EIF4E3: variants seen among roughly 807,000 people sequenced by gnomAD.
EIF4E3 encodes eukaryotic translation initiation factor 4E type 3.
In EIF4E3, 26 loss-of-function variants were observed where a neutral mutation model predicts 31.7. The ratio of observed to expected loss-of-function variants is 0.82; its 90% CI spans 0.60 to 1.14. EIF4E3 has a LOEUF of 1.14. Among genes scored for constraint, EIF4E3 ranks in the 50% most tolerant of loss-of-function variants. The probability of loss-of-function intolerance (pLI) is 0.00; values close to 1 mark genes in which losing one functional copy is unlikely to be tolerated. For missense variants in EIF4E3, 304 were observed against 270.9 expected, an observed-to-expected ratio of 1.12 and a Z score of -0.86; for synonymous variants, 128 against 107.7, an observed-to-expected ratio of 1.19 and a Z score of -1.17.
upstream of EIF4E3, chr3:71,754,613 G>A (rs1246750339): frequency 1.9e-5 from 27 of 1,453,110 alleles, no homozygotes; most frequent in Non-Finnish European, 2.4e-5. The surrounding 1 kb of genome is among the most constrained non-coding windows in gnomAD (Gnocchi z 5.8). Context: ...GCTTCCTGCT[G>A]CTGCTGGCCG....
intron 6 of EIF4E3, among the ~76,000 whole-genome samples, chr3:71,687,181 T>C (rs577843353): frequency 6.6e-6 from 1 of 152,274 alleles, no homozygotes; most frequent in East Asian, 1.9e-4. Flanking sequence ...TTTATATTTT[T>C]AGTAGAGATG....
intron 1 of EIF4E3, among the ~76,000 whole-genome samples, chr3:71,733,023 G>A (rs773852974): frequency 6.6e-6 from 1 of 152,210 alleles, no homozygotes; most frequent in Non-Finnish European, 1.5e-5. Context: ...GTTCCTGGAG[G>A]GGATAACCCT....
chr3:71,687,488 G>C (rs1263978829), intron 6 of EIF4E3, among the ~76,000 whole-genome samples: 1 of 152,112 alleles, frequency 6.6e-6, no homozygotes, highest in Non-Finnish European at 1.5e-5. Flanking sequence ...AATGTAAAAA[G>C]CATTCTCAGC....
chr3:71,733,804 A>G (rs2049732489), intron 1 of EIF4E3, among the ~76,000 whole-genome samples: 2 of 152,368 alleles, frequency 1.3e-5, no homozygotes, highest in Middle Eastern at 3.4e-3. Context: ...AAAGTTTGAG[A>G]AGCCATTATC....
At chr3:71,741,631 G>A (rs939402166) in intron 1 of EIF4E3, among the ~76,000 whole-genome samples, 8 of 152,098 alleles carry the variant, frequency 5.3e-5, no homozygotes, top group African/African-American at 1.7e-4. Context: ...AATTTAGTAA[G>A]AACATAAAAG....
upstream of EIF4E3, among the ~76,000 whole-genome samples, chr3:71,730,199 G>A (rs1417316917): frequency 6.6e-6 from 1 of 152,124 alleles, no homozygotes; most frequent in Non-Finnish European, 1.5e-5. Context: ...ACGGGTCAGG[G>A]GAGGCTGCGG....
intron 2 of EIF4E3, among the ~76,000 whole-genome samples, chr3:71,705,778 T>C (rs1027955206): frequency 3.3e-5 from 5 of 152,178 alleles, no homozygotes; most frequent in Admixed American, 6.5e-5. Flanking sequence ...ACAGGGCTTG[T>C]TCAAAAGCCG....
chr3:71,696,269 A>G (rs1367202169), intron 4 of EIF4E3, among the ~76,000 whole-genome samples, 191 bp downstream of exon 4: 2 of 152,236 alleles, frequency 1.3e-5, no homozygotes, highest in Non-Finnish European at 2.9e-5. Context: ...TCTATAGAGA[A>G]GCACAATTAT....
chr3:71,679,343 A>T lies in EIF4E3; in HGVS notation c.*5339T>A, dbSNP rs2107993177. The T allele has an allele frequency of 6.6e-6, 1 of 152,360 alleles. No individual in the cohort carries two copies. Among genetic ancestry groups the T allele is most frequent in the Non-Finnish European group, 1.5e-5 (1 of 68,026 alleles). The allele number at this position is 152,360 out of a possible 1,614,324, so 9.4% of individuals were successfully genotyped here. A position where few individuals can be genotyped will look rare whatever the true frequency, so the allele number is the denominator to read the frequency against. Reference sequence around the variant, plus strand: ...ACACTTTAATAGATCCGAAATAAACATCTGTTCCAAAATAAAAGTTCAAGA... The same window carrying T: ...ACACTTTAATAGATCCGAAATAAACTTCTGTTCCAAAATAAAAGTTCAAGA... On this transcript the variant is annotated 3_prime_UTR_variant, in exon 7 of 7. Transcript: ENST00000425534.
At chr3:71,673,932 A>ATATATAT (rs1559581282), downstream of EIF4E3, among the ~76,000 whole-genome samples, 145 of 127,390 alleles carry the variant, frequency 1.1e-3, no homozygotes, top group African/African-American at 4.0e-3. Flanking sequence ...TATATATATA[A>ATATATAT]AAAACATAAT....
upstream of EIF4E3, among the ~76,000 whole-genome samples, chr3:71,728,921 A>C (rs1042944492): frequency 6.6e-6 from 1 of 152,272 alleles, no homozygotes; most frequent in Non-Finnish European, 1.5e-5. Flanking sequence ...ACAGCTATTC[A>C]GACACACAGC....
intron 6 of EIF4E3, among the ~76,000 whole-genome samples, chr3:71,686,319 C>A (rs2048990538): frequency 1.3e-5 from 2 of 152,096 alleles, no homozygotes; most frequent in Admixed American, 1.3e-4. Flanking sequence ...CTAAATTCTT[C>A]AGACTATTGC....
chr3:71,684,800 C>G, intron 6 of EIF4E3, 72 bp from the exon 7 acceptor site: 7 of 1,484,630 alleles, frequency 4.7e-6, no homozygotes, highest in Non-Finnish European at 6.4e-6. Context: ...GCCAACCCTC[C>G]TCTAGGCATC....
intron 1 of EIF4E3, among the ~76,000 whole-genome samples, chr3:71,737,268 GGTGA>G (rs1202634983): frequency 6.6e-6 from 1 of 152,170 alleles, no homozygotes; most frequent in Non-Finnish European, 1.5e-5. Flanking sequence ...TGGAAAATGA[GGTGA>G]GTCTTTGACT....
At chr3:71,741,371 T>C (rs72953245) in intron 1 of EIF4E3, among the ~76,000 whole-genome samples, 2,498 of 152,334 alleles carry the variant, frequency 0.016, 65 homozygotes, top group African/African-American at 0.057. Flanking sequence ...GGAGAGGCTA[T>C]ATTTATATCA....
intron 6 of EIF4E3, 38 bp from the exon 7 acceptor site, chr3:71,684,766 A>C: frequency 6.2e-7 from 1 of 1,608,942 alleles, no homozygotes; most frequent in Non-Finnish European, 8.5e-7. Flanking sequence ...AAAAAAAGGA[A>C]AGAAAACTTT....
intron 1 of EIF4E3, among the ~76,000 whole-genome samples, chr3:71,722,389 T>C (rs1006138878): frequency 4.7e-4 from 72 of 152,074 alleles, no homozygotes; most frequent in African/African-American, 1.7e-3. Context: ...CTGGTGTAAA[T>C]GGCACAAAGA....
intron 1 of EIF4E3, among the ~76,000 whole-genome samples, chr3:71,748,476 G>A (rs2049895517): frequency 6.6e-6 from 1 of 152,096 alleles, no homozygotes; most frequent in Non-Finnish European, 1.5e-5. Flanking sequence ...GGAGATGAAG[G>A]TAGGAGGAGG....
intron 1 of EIF4E3, among the ~76,000 whole-genome samples, chr3:71,716,860 G>A (rs566647789): frequency 1.6e-4 from 24 of 152,224 alleles, no homozygotes; most frequent in African/African-American, 5.3e-4. Flanking sequence ...ACTGCACCAA[G>A]CATGGCCCCA....
Sources: gnomAD v4.1 joint callset for allele counts (sites outside exome capture counted in the v4.1 genomes callset) on GRCh38, gnomAD v4.1.1 for gene constraint, Gnocchi (gnomAD v3.1) non-coding constraint, MANE v1.5 for transcripts, NCBI Gene and HGNC (gene_info 2026-07-23, HGNC 2026-07-21) for gene names.